Variants in RBFOX1 observed in about 807,000 individuals in gnomAD.
RBFOX1 encodes the protein RNA binding protein fox-1 homolog 1.
Under a neutral mutation model 57.7 loss-of-function variants are expected in RBFOX1, and 8 were observed. The observed-to-expected ratio is 0.14, with a 90% CI of 0.08 to 0.25. RBFOX1 has a LOEUF of 0.25. Among genes scored for constraint, RBFOX1 ranks in the 10% least tolerant of loss-of-function variants. The probability of loss-of-function intolerance (pLI) is 1.00; values close to 1 mark genes in which losing one functional copy is unlikely to be tolerated. For missense variants in RBFOX1, 611 were observed against 548.5 expected, an observed-to-expected ratio of 1.11 and a Z score of -1.14; for synonymous variants, 326 against 222.4, an observed-to-expected ratio of 1.47 and a Z score of -4.15.
chr16:6,023,001 G>A (rs537881434), intron 1 of RBFOX1, among the ~76,000 whole-genome samples: 86 of 152,186 alleles, frequency 5.7e-4, no homozygotes, highest in Non-Finnish European at 1.0e-3. Flanking sequence ...ATCTAAAATC[G>A]TCAAACTCAT....
At chr16:5,586,808 C>T (rs1437560542) in intron 2 of RBFOX1, among the ~76,000 whole-genome samples, 1 of 152,186 alleles carries the variant, frequency 6.6e-6, no homozygotes, top group Non-Finnish European at 1.5e-5. Flanking sequence ...CCATTACCCC[C>T]AGTTTTACAG....
At chr16:5,327,583 G>C (rs57880618) in intron 1 of RBFOX1, among the ~76,000 whole-genome samples, 2 of 152,066 alleles carry the variant, frequency 1.3e-5, no homozygotes, top group African/African-American at 4.8e-5. Flanking sequence ...GCCCCAATCT[G>C]CACAATAGGT....
At chr16:7,112,921 A>G (rs907492066) in intron 4 of RBFOX1, among the ~76,000 whole-genome samples, 1 of 152,184 alleles carries the variant, frequency 6.6e-6, no homozygotes, top group Non-Finnish European at 1.5e-5. Context: ...TTTTCTGGAA[A>G]GAATGAAATC....
chr16:7,176,802 A>G (rs1037331225), intron 4 of RBFOX1, among the ~76,000 whole-genome samples: 30 of 152,230 alleles, frequency 2.0e-4, no homozygotes, highest in African/African-American at 7.0e-4. Context: ...ACCTATACAC[A>G]TATGCACAAA....
intron 4 of RBFOX1, among the ~76,000 whole-genome samples, chr16:7,479,474 C>T (rs1381948947): frequency 1.3e-5 from 2 of 152,064 alleles, no homozygotes; most frequent in African/African-American, 4.8e-5. Flanking sequence ...TTTTCTCAGC[C>T]CTTCCTTGCT....
chr16:6,220,722 G>GC (rs1555560041), intron 1 of RBFOX1, among the ~76,000 whole-genome samples: 455 of 13,962 alleles, frequency 0.033, 1 homozygote, highest in African/African-American at 0.036. Context: ...ATGACTAACC[G>GC]CCCCCCCCCA....
chr16:6,014,314 G>T (rs755208532), upstream of RBFOX1, among the ~76,000 whole-genome samples: 1 of 152,064 alleles, frequency 6.6e-6, no homozygotes, highest in Non-Finnish European at 1.5e-5. Context: ...GGGGATGAAG[G>T]CAGGAGAGGA....
intron 3 of RBFOX1, among the ~76,000 whole-genome samples, chr16:6,874,739 C>T (rs962786522): frequency 6.6e-6 from 1 of 151,512 alleles, no homozygotes; most frequent in Non-Finnish European, 1.5e-5. Context: ...GACACAAAAG[C>T]ATAAAAAATG....
intron 1 of RBFOX1, among the ~76,000 whole-genome samples, chr16:6,113,010 G>A (rs572261238): frequency 9.3e-4 from 142 of 152,260 alleles, no homozygotes; most frequent in African/African-American, 3.3e-3. Context: ...GACAGCTATT[G>A]CCACCATGGT....
Position 6,113,911 on chromosome 16 carries a change from C to G in RBFOX1, c.-127+93919C>G, listed in dbSNP as rs554106000. ...TGTATCACCACCGGCATAATAATGA[C>G]ATTTCATTATTACGATCTGATACTC... On this transcript the variant is annotated intron_variant, in intron 1 of 15. Transcript: ENST00000550418. Among the ~76,000 whole-genome samples the G allele has an allele frequency of 1.5e-3, 226 of 152,292 alleles. 2 individuals are homozygous for G. Among genetic ancestry groups the G allele is most frequent in the South Asian group, 2.5e-3 (12 of 4,816 alleles).
At chr16:7,308,821 A>C (rs2096250374) in intron 4 of RBFOX1, among the ~76,000 whole-genome samples, 1 of 152,332 alleles carries the variant, frequency 6.6e-6, no homozygotes, top group South Asian at 2.1e-4. Flanking sequence ...ACGGTTATAA[A>C]TTTTGGAAAC....
At chr16:7,694,642 G>A (rs1227764633) in intron 14 of RBFOX1, among the ~76,000 whole-genome samples, 2 of 152,170 alleles carry the variant, frequency 1.3e-5, no homozygotes, top group East Asian at 3.9e-4. Flanking sequence ...TTCTCATTGT[G>A]AGAGGTGGCG....
At chr16:6,180,994 G>A (rs935970148) in intron 1 of RBFOX1, among the ~76,000 whole-genome samples, 4 of 152,258 alleles carry the variant, frequency 2.6e-5, no homozygotes, top group South Asian at 4.2e-4. Context: ...CTCTACTGAT[G>A]GGTTTGTGTG....
chr16:6,054,301 A>G (rs2095587904), intron 1 of RBFOX1, among the ~76,000 whole-genome samples: 1 of 152,172 alleles, frequency 6.6e-6, no homozygotes, highest in African/African-American at 2.4e-5. Context: ...CAATTTATGT[A>G]AATAATAGTT....
chr16:6,240,746 C>T (rs1008411530), intron 1 of RBFOX1, among the ~76,000 whole-genome samples: 9 of 152,198 alleles, frequency 5.9e-5, no homozygotes, highest in Non-Finnish European at 1.2e-4. Flanking sequence ...GACGTCTTGG[C>T]TACTTACAAC....
chr16:6,142,189 C>CAAAAAA lies in RBFOX1; in HGVS notation c.-127+122219_-127+122224dup, dbSNP rs71142685. Among the ~76,000 whole-genome samples, 279 of 49,078 alleles carry CAAAAAA rather than the reference C, an allele frequency of 5.7e-3. 19 individuals carry two copies. Among genetic ancestry groups the CAAAAAA allele is most frequent in the African/African-American group, 0.014 (150 of 10,980 alleles). 32.2% of individuals were successfully genotyped at this position (49,078 alleles called of 152,430 possible). A position where few individuals can be genotyped will look rare whatever the true frequency, so the allele number is the denominator to read the frequency against. ...TCAGAGATCCTTGTTGCTGCTGCTG[C>CAAAAAA]AAAAAAAAAAAAAAAAAAAAAAAAA... On this transcript the variant is annotated intron_variant, in intron 1 of 15. Coordinates refer to ENST00000550418, the MANE Select transcript of RBFOX1 (RefSeq NM_018723.4).
At chr16:6,931,163 C>T (rs1254179381) in intron 3 of RBFOX1, among the ~76,000 whole-genome samples, 1 of 151,884 alleles carries the variant, frequency 6.6e-6, no homozygotes, top group East Asian at 1.9e-4. Flanking sequence ...ATTGACCTTT[C>T]TTTACTAGTA....
At chr16:6,995,917 T>C (rs767230703) in intron 3 of RBFOX1, among the ~76,000 whole-genome samples, 1 of 152,158 alleles carries the variant, frequency 6.6e-6, no homozygotes, top group African/African-American at 2.4e-5. Flanking sequence ...TTAGAAAGCA[T>C]ATATAGGAAA....
intron 3 of RBFOX1, among the ~76,000 whole-genome samples, chr16:6,852,062 A>C (rs1396790412): frequency 6.6e-6 from 1 of 151,758 alleles, no homozygotes; most frequent in East Asian, 1.9e-4. Context: ...AGTAGCTGAG[A>C]CTACAGGCAC....
Sources: allele counts gnomAD v4.1 joint callset (sites outside exome capture counted in the v4.1 genomes callset), GRCh38; gene constraint gnomAD v4.1.1; transcripts MANE v1.5; gene names NCBI Gene and HGNC (gene_info 2026-07-23, HGNC 2026-07-21).